Variants in ANKIB1 observed in about 807,000 individuals in gnomAD.
ANKIB1 encodes ankyrin repeat and IBR domain containing 1, also known as ankyrin repeat and IBR domain-containing protein 1.
A neutral mutation model predicts 122.1 loss-of-function variants in ANKIB1; 43 were observed. The observed-to-expected ratio is 0.35, with a 90% CI of 0.28 to 0.45. The LOEUF (loss-of-function observed/expected upper bound fraction) is 0.45. Among genes scored for constraint, ANKIB1 ranks in the 20% least tolerant of loss-of-function variants. The pLI is 1.00. For synonymous variants in ANKIB1, 390 were observed against 442.0 expected, an observed-to-expected ratio of 0.88 and a Z score of 1.48; for missense variants, 992 against 1,329.5, an observed-to-expected ratio of 0.75 and a Z score of 3.95.
chr7:92,309,452 ACTAATAG>A (rs1386351054), intron 3 of ANKIB1, among the ~76,000 whole-genome samples: 2 of 152,116 alleles, frequency 1.3e-5, no homozygotes, highest in African/African-American at 4.8e-5. Context: ...AGGGTAGGGG[ACTAATAG>A]CAGAATTCCT....
intron 1 of ANKIB1, among the ~76,000 whole-genome samples, chr7:92,248,888 C>CTTTT (rs778549860): frequency 1.3e-4 from 16 of 123,012 alleles, no homozygotes; most frequent in South Asian, 5.3e-4. Flanking sequence ...TCTTTTCTTT[C>CTTTT]TTTTTTTTTT....
chr7:92,389,187 C>A (rs1270866651), intron 14 of ANKIB1, among the ~76,000 whole-genome samples: 1 of 152,164 alleles, frequency 6.6e-6, no homozygotes, highest in African/African-American at 2.4e-5. Flanking sequence ...AAACTTCACA[C>A]ATTTCTCACA....
intron 5 of ANKIB1, among the ~76,000 whole-genome samples, chr7:92,332,731 C>G (rs1017626928): frequency 7.2e-5 from 11 of 152,122 alleles, no homozygotes; most frequent in Admixed American, 5.2e-4. Context: ...GTTCCCACAT[C>G]TTCTCTTCTC....
rs542462779 is a variant in ANKIB1 at position 92,386,444 on chromosome 7, A to G, written c.1618-65A>G. The G allele has an allele frequency of 2.3e-5, 34 of 1,459,904 alleles. No individual in the cohort carries two copies. In the East Asian group the frequency reaches 6.5e-4, roughly 28 times the overall value. 90.4% of individuals were successfully genotyped at this position (1,459,904 alleles called of 1,614,324 possible). A position where few individuals can be genotyped will look rare whatever the true frequency, so the allele number is the denominator to read the frequency against. ...TTTAATCTTTACAGATTGGTTGGCT[A>G]TAAAGCAGAAAATAATTTGCATATT... On this transcript the variant is annotated intron_variant, in intron 11 of 19. Coordinates refer to ENST00000265742, the MANE Select transcript of ANKIB1 (RefSeq NM_019004.2).
chr7:92,330,603 G>A (rs1803151001), intron 5 of ANKIB1, among the ~76,000 whole-genome samples: 1 of 152,098 alleles, frequency 6.6e-6, no homozygotes, highest in Non-Finnish European at 1.5e-5. Flanking sequence ...AGCACTTTGG[G>A]AGGCCGAGGT....
chr7:92,285,398 A>C (rs1802099439), intron 1 of ANKIB1, among the ~76,000 whole-genome samples: 1 of 152,246 alleles, frequency 6.6e-6, no homozygotes, highest in African/African-American at 2.4e-5. Flanking sequence ...AACATTTTTC[A>C]TATAGAAAAG....
At chr7:92,373,021 T>A (rs1196760240) in intron 11 of ANKIB1, among the ~76,000 whole-genome samples, 1 of 152,136 alleles carries the variant, frequency 6.6e-6, no homozygotes, top group Non-Finnish European at 1.5e-5. Flanking sequence ...TGCAAAAGAA[T>A]GGCAGTTACA....
At chr7:92,333,589 T>G (rs1803224338) in intron 5 of ANKIB1, among the ~76,000 whole-genome samples, 1 of 152,152 alleles carries the variant, frequency 6.6e-6, no homozygotes, top group Non-Finnish European at 1.5e-5. Context: ...TTTGGTGGTG[T>G]TTACGTGTTT....
rs1318498036 is a variant in ANKIB1 at position 92,261,327 on chromosome 7, C to T, written c.-91+14808C>T. 1.0e-4 allele frequency among the ~76,000 whole-genome samples: 14 copies of T among 136,966 alleles called. No homozygotes were observed. The East Asian group carries it at 2.7e-3, about 27-fold the overall frequency. The allele number at this position is 136,966 out of a possible 152,430, so 89.9% of individuals were successfully genotyped here. Reference sequence around the variant, plus strand: ...TCGCGCCACTGCACTCCAGCCTGGGCGACAGAGCGAGACTCCGTCTCAAAA... The same window carrying T: ...TCGCGCCACTGCACTCCAGCCTGGGTGACAGAGCGAGACTCCGTCTCAAAA... On this transcript the variant is annotated intron_variant, in intron 1 of 19. Transcript: ENST00000265742.
chr7:92,350,129 T>C (rs1444845603), intron 7 of ANKIB1, among the ~76,000 whole-genome samples: 1 of 150,476 alleles, frequency 6.6e-6, no homozygotes, highest in African/African-American at 2.4e-5. Context: ...TATACCTAAG[T>C]AGGAAATAAA....
chr7:92,263,932 G>A (rs1183054679), intron 1 of ANKIB1, among the ~76,000 whole-genome samples: 1 of 152,028 alleles, frequency 6.6e-6, no homozygotes, highest in Non-Finnish European at 1.5e-5. Context: ...ATTATCTGTG[G>A]GAAATATAAA....
intron 5 of ANKIB1, among the ~76,000 whole-genome samples, chr7:92,336,803 C>T (rs1382630882): frequency 6.6e-6 from 1 of 152,020 alleles, no homozygotes; most frequent in Non-Finnish European, 1.5e-5. Flanking sequence ...TTCATTTTGT[C>T]AGACATTAAC....
chr7:92,370,235 A>G (rs1291592482), intron 10 of ANKIB1, among the ~76,000 whole-genome samples: 2 of 151,952 alleles, frequency 1.3e-5, no homozygotes, highest in African/African-American at 4.8e-5. Context: ...GGGGCCGGGC[A>G]CGGTGGCTCA....
chr7:92,285,853 T>C (rs182745340), intron 1 of ANKIB1, among the ~76,000 whole-genome samples: 5 of 152,352 alleles, frequency 3.3e-5, no homozygotes, highest in Non-Finnish European at 5.9e-5. Flanking sequence ...CCTACCTAGC[T>C]ATACAGTTTT....
chr7:92,382,887 G>A (rs1445177786), intron 11 of ANKIB1, among the ~76,000 whole-genome samples: 1 of 151,926 alleles, frequency 6.6e-6, no homozygotes, highest in South Asian at 2.1e-4. Context: ...AATAACTAAG[G>A]TCAGAGCAGA....
intron 10 of ANKIB1, among the ~76,000 whole-genome samples, chr7:92,370,722 C>G (rs1394868246): frequency 6.6e-6 from 1 of 151,974 alleles, no homozygotes; most frequent in African/African-American, 2.4e-5. Context: ...CACATCTACC[C>G]ATAAATATGT....
At chr7:92,387,920 A>G in intron 13 of ANKIB1, 36 bp downstream of exon 13, 2 of 1,606,886 alleles carry the variant, frequency 1.2e-6, no homozygotes, top group Non-Finnish European at 1.7e-6. Flanking sequence ...GCTGACCTAT[A>G]CTGTTGTGAA....
intron 8 of ANKIB1, among the ~76,000 whole-genome samples, chr7:92,352,125 A>G (rs1255437843): frequency 6.6e-6 from 1 of 152,184 alleles, no homozygotes; most frequent in Non-Finnish European, 1.5e-5. Context: ...TCTACTTAAG[A>G]ATTATATTCA....
At chr7:92,395,461 T>C (rs1460038999) in intron 17 of ANKIB1, among the ~76,000 whole-genome samples, 2 of 152,078 alleles carry the variant, frequency 1.3e-5, no homozygotes, top group African/African-American at 4.8e-5. Flanking sequence ...TCCAACAATC[T>C]GGCAAGTACT....
Sources: gnomAD v4.1 joint callset for allele counts (sites outside exome capture counted in the v4.1 genomes callset) on GRCh38, gnomAD v4.1.1 for gene constraint, MANE v1.5 for transcripts, NCBI Gene and HGNC (gene_info 2026-07-23, HGNC 2026-07-21) for gene names.